SNX29: variants seen among roughly 807,000 people sequenced by gnomAD.
SNX29 encodes the protein sorting nexin-29.
Under a neutral mutation model 102.1 loss-of-function variants are expected in SNX29, and 78 were observed. The ratio of observed to expected loss-of-function variants is 0.76; its 90% CI spans 0.64 to 0.92. The LOEUF is 0.92. SNX29 is among the 40% of genes least tolerant of loss of function. SNX29 has a pLI of 0.00. For synonymous variants in SNX29, 580 were observed against 414.5 expected (o/e 1.40, Z -4.85); for missense variants, 1,280 against 1,061.7 (o/e 1.21, Z -2.86).
In SNX29 at chr16:12,459,264, G is replaced by A. The variant is rs775436869; in HGVS notation, c.2038-18455G>A. Among the ~76,000 whole-genome samples, 36 of 151,726 alleles carry A rather than the reference G, an allele frequency of 2.4e-4. 1 individual carries two copies. The highest frequency in any genetic ancestry group is 3.1e-4 in the Non-Finnish European group (21 of 67,960). The stretch of plus-strand genomic sequence containing the variant: ...CTGTGGGGCTCACCAGCAGCTCTGA[G>A]CTTAGATCCTCACAGGCCAAGAAAT... On this transcript the variant is annotated intron_variant, in intron 18 of 20. Transcript: ENST00000566228.
chr16:12,152,139 T>C (rs1263943017), intron 13 of SNX29, among the ~76,000 whole-genome samples: 1 of 152,020 alleles, frequency 6.6e-6, no homozygotes, highest in Non-Finnish European at 1.5e-5. Flanking sequence ...GAAGATTGCT[T>C]GGGCCCGCGA....
rs774149840 is a variant in SNX29 at position 12,443,957 on chromosome 16, C to A, written c.2038-33762C>A. Among the ~76,000 whole-genome samples, 5 of 151,882 alleles carry A rather than the reference C, an allele frequency of 3.3e-5. No homozygotes were observed. The East Asian group carries it at 9.6e-4, about 29-fold the overall frequency. On this transcript the variant is annotated intron_variant, in intron 18 of 20. Coordinates refer to ENST00000566228, the MANE Select transcript of SNX29 (RefSeq NM_032167.5). ...TAAGCACTCAGTATAGCATCTAGCA[C>A]GTAATAAGCACTCAGTATAGCACCT... is the stretch of plus-strand genomic sequence containing the variant.
intron 10 of SNX29, among the ~76,000 whole-genome samples, chr16:12,077,071 C>T (rs999015064): frequency 6.6e-5 from 10 of 152,120 alleles, no homozygotes; most frequent in African/African-American, 2.4e-4. Flanking sequence ...GCCGGGAGTT[C>T]AACACCACCA....
At chr16:12,557,023 C>CCCTCT (rs1555458244) in intron 20 of SNX29, among the ~76,000 whole-genome samples, 3 of 120,798 alleles carry the variant, frequency 2.5e-5, no homozygotes, top group Admixed American at 8.6e-5. Context: ...TTACCCCCCC[C>CCCTCT]CCGCCCCAAG....
intron 19 of SNX29, among the ~76,000 whole-genome samples, chr16:12,523,380 G>A (rs529522500): frequency 7.9e-5 from 12 of 152,216 alleles, no homozygotes; most frequent in Non-Finnish European, 1.3e-4. Flanking sequence ...TTCCTCCACT[G>A]CCTTCTCTCA....
chr16:12,536,060 CTTCA>C (rs1169724831), intron 20 of SNX29, among the ~76,000 whole-genome samples: 3 of 152,120 alleles, frequency 2.0e-5, no homozygotes, highest in African/African-American at 4.8e-5. Flanking sequence ...AGCCCTTTGT[CTTCA>C]TTCATCTAAC....
At chr16:12,348,762 T>G (rs1422892297) in intron 15 of SNX29, among the ~76,000 whole-genome samples, 1 of 152,210 alleles carries the variant, frequency 6.6e-6, no homozygotes, top group Non-Finnish European at 1.5e-5. Context: ...GCTTACTTCC[T>G]GTGTGGTCTT....
chr16:12,136,139 C>T (rs553876177), intron 13 of SNX29, among the ~76,000 whole-genome samples: 2 of 152,374 alleles, frequency 1.3e-5, no homozygotes, highest in South Asian at 4.1e-4. Context: ...CTGCTGCACT[C>T]ACATGAACAT....
At chr16:12,272,113 T>C (rs564225434) in intron 14 of SNX29, among the ~76,000 whole-genome samples, 2 of 152,356 alleles carry the variant, frequency 1.3e-5, no homozygotes, top group South Asian at 4.1e-4. Flanking sequence ...TGTAAATTCA[T>C]GACTGTCCAG....
chr16:12,305,318 C>G (rs1270687812), intron 15 of SNX29, among the ~76,000 whole-genome samples: 1 of 152,328 alleles, frequency 6.6e-6, no homozygotes, highest in Middle Eastern at 3.4e-3. Context: ...CCCCCCCGGC[C>G]ACGGAGTGGT....
chr16:12,430,491 T>C (rs754646052), intron 18 of SNX29, among the ~76,000 whole-genome samples: 1 of 152,262 alleles, frequency 6.6e-6, no homozygotes, highest in Non-Finnish European at 1.5e-5. Context: ...GCATCCCAGC[T>C]CTGCCCTCAG....
At chr16:12,110,451 CTG>C (rs554643757) in intron 11 of SNX29, among the ~76,000 whole-genome samples, 10 of 152,138 alleles carry the variant, frequency 6.6e-5, no homozygotes, top group Non-Finnish European at 1.2e-4. Context: ...AGACCATAGA[CTG>C]TGATGAACAC....
At chr16:12,070,943 A>G (rs2051265757) in intron 10 of SNX29, among the ~76,000 whole-genome samples, 2 of 151,974 alleles carry the variant, frequency 1.3e-5, no homozygotes, top group South Asian at 4.1e-4. Context: ...GCATTTTTTC[A>G]TGTGTCTTTT....
intron 11 of SNX29, among the ~76,000 whole-genome samples, chr16:12,085,460 G>T (rs189552219): frequency 1.3e-5 from 2 of 152,254 alleles, no homozygotes; most frequent in East Asian, 3.9e-4. Flanking sequence ...CGGAGTAGCT[G>T]GGATTAAAGG....
intron 7 of SNX29, among the ~76,000 whole-genome samples, 188 bp from the exon 8 acceptor site, chr16:12,051,659 C>G (rs1225168299): frequency 1.3e-5 from 2 of 152,196 alleles, no homozygotes; most frequent in African/African-American, 2.4e-5. Context: ...GAGGCAGAGG[C>G]CTGCGTCCAT....
rs2079172084 is a variant in SNX29 at position 12,570,820 on chromosome 16, A to T, written c.*2191A>T. ...GCTGAGAGATACTAACCCGTGAGAA[A>T]CAAGTATGCTCTCAGCTGGTATTGA... On this transcript the variant is annotated 3_prime_UTR_variant, in exon 21 of 21. Coordinates refer to ENST00000566228, the MANE Select transcript of SNX29 (RefSeq NM_032167.5). 1 of 232,422 alleles carries T rather than the reference A, an allele frequency of 4.3e-6. No individual in the cohort carries two copies. Among genetic ancestry groups the T allele is most frequent in the East Asian group, 6.1e-5 (1 of 16,440 alleles). The allele number at this position is 232,422 out of a possible 1,614,324, so 14.4% of individuals were successfully genotyped here. A position where few individuals can be genotyped will look rare whatever the true frequency, so the allele number is the denominator to read the frequency against.
intron 15 of SNX29, among the ~76,000 whole-genome samples, chr16:12,293,437 G>T (rs760976362): frequency 7.2e-5 from 11 of 152,308 alleles, no homozygotes; most frequent in African/African-American, 2.4e-4. Flanking sequence ...CAGTGTGTTT[G>T]TTTCCGAAGA....
At position 12,572,528 on chromosome 16, in the gene SNX29, C is replaced by T; in HGVS notation, c.*3899C>T. 1 of 1,063,892 alleles carries T rather than the reference C, an allele frequency of 9.4e-7. No homozygotes were observed. The highest frequency in any genetic ancestry group is 5.0e-5 in the East Asian group (1 of 19,964). The allele number at this position is 1,063,892 out of a possible 1,614,324, so 65.9% of individuals were successfully genotyped here. ...TTCCTGCTCCACGTGCTCAAGCCCC[C>T]ACAGGGGGCTGCGACACCATCTGGC... On this transcript the variant is annotated 3_prime_UTR_variant, in exon 21 of 21. Coordinates refer to ENST00000566228, the MANE Select transcript of SNX29 (RefSeq NM_032167.5).
chr16:12,159,281 C>T (rs373328692), intron 13 of SNX29, among the ~76,000 whole-genome samples: 24 of 152,344 alleles, frequency 1.6e-4, no homozygotes, highest in African/African-American at 5.8e-4. Context: ...CTTCATTCCT[C>T]ACCCTTCCAT....
Sources: allele counts gnomAD v4.1 joint callset (sites outside exome capture counted in the v4.1 genomes callset), GRCh38; gene constraint gnomAD v4.1.1; transcripts MANE v1.5; gene names NCBI Gene and HGNC (gene_info 2026-07-23, HGNC 2026-07-21).